Variants in ULK2 observed in about 807,000 individuals in gnomAD.
The protein encoded by ULK2 is unc-51 like autophagy activating kinase 2.
In ULK2, 76 loss-of-function variants were observed where a neutral mutation model predicts 127.5. The ratio of observed to expected loss-of-function variants is 0.60; its 90% CI spans 0.50 to 0.72. The LOEUF (loss-of-function observed/expected upper bound fraction) is 0.72, where lower values mean the gene tolerates loss of function less well. Among genes scored for constraint, ULK2 ranks in the 30% least tolerant of loss-of-function variants. The probability of loss-of-function intolerance (pLI) is 0.00; values close to 1 mark genes in which losing one functional copy is unlikely to be tolerated. For synonymous variants in ULK2, 452 were observed against 461.9 expected, an observed-to-expected ratio of 0.98 and a Z score of 0.28; for missense variants, 1,144 against 1,295.9, an observed-to-expected ratio of 0.88 and a Z score of 1.80.
intron 23 of ULK2, 40 bp from the exon 24 acceptor site, chr17:19,781,144 C>CTAA: frequency 6.3e-7 from 1 of 1,585,346 alleles, no homozygotes; most frequent in Non-Finnish European, 8.6e-7. Context: ...ATCTTGTGAA[C>CTAA]TAATGTAAGA....
At chr17:19,860,527 T>TA (rs1266046868) in intron 3 of ULK2, among the ~76,000 whole-genome samples, 1 of 150,594 alleles carries the variant, frequency 6.6e-6, no homozygotes, top group Admixed American at 6.6e-5. Context: ...AATACCTCTT[T>TA]TTTTTTTTTT....
intron 17 of ULK2, among the ~76,000 whole-genome samples, chr17:19,798,815 AT>A (rs1399619970): frequency 2.0e-5 from 3 of 152,152 alleles, no homozygotes; most frequent in African/African-American, 7.2e-5. Flanking sequence ...AATACATATA[AT>A]TTTTAAAATC....
intron 20 of ULK2, among the ~76,000 whole-genome samples, chr17:19,792,841 A>G (rs1310680684): frequency 2.0e-5 from 3 of 151,412 alleles, no homozygotes; most frequent in African/African-American, 7.2e-5. Context: ...AACAGTCTTG[A>G]AAAAGAACAA....
At chr17:19,846,380 C>A (rs184130382) in intron 6 of ULK2, among the ~76,000 whole-genome samples, 1 of 151,990 alleles carries the variant, frequency 6.6e-6, no homozygotes, top group East Asian at 1.9e-4. Flanking sequence ...AGGCTCAAAC[C>A]TGTAATCCCA....
chr17:19,843,014 A>G (rs1174675672), intron 8 of ULK2, 107 bp downstream of exon 8: 1 of 937,606 alleles, frequency 1.1e-6, no homozygotes. Flanking sequence ...TAACTCACAG[A>G]GGAGCCAAAA....
At chr17:19,784,664 T>C (rs1264271175) in intron 21 of ULK2, among the ~76,000 whole-genome samples, 4 of 151,722 alleles carry the variant, frequency 2.6e-5, no homozygotes, top group South Asian at 2.1e-4. Context: ...GCTGGGACTA[T>C]AGGCGTATGC....
chr17:19,809,630 G>A (rs909828111), intron 14 of ULK2, among the ~76,000 whole-genome samples: 1 of 150,912 alleles, frequency 6.6e-6, no homozygotes, highest in African/African-American at 2.4e-5. Flanking sequence ...CTACTCAGGA[G>A]GCTGAGGCAG....
chr17:19,798,105 TAAAAGAA>T (rs2087314478), intron 17 of ULK2, among the ~76,000 whole-genome samples: 1 of 152,132 alleles, frequency 6.6e-6, no homozygotes, highest in South Asian at 2.1e-4. Flanking sequence ...ACACAGCAAC[TAAAAGAA>T]AACTCGAACT....
chr17:19,816,822 A>G lies in ULK2; in HGVS notation c.1023T>C (p.Thr341=). The part of the protein sequence containing the change: ...YLQVSKDSAS[T]SSKNSSCDTD... ...TGTCACAAGAAGAGTTCTTGCTACT[A>G]GTACTGGCAGAATCTTTGGAAACTT... is the stretch of plus-strand genomic sequence containing the variant. The change falls in exon 13 of 27, where the codon ACT becomes ACC. Residue 341 remains threonine, a synonymous_variant. Transcript: ENST00000395544. 1 of 1,612,140 alleles carries G rather than the reference A, an allele frequency of 6.2e-7. No individual in the cohort carries two copies. The highest frequency in any genetic ancestry group is 8.5e-7 in the Non-Finnish European group (1 of 1,179,400).
intron 20 of ULK2, among the ~76,000 whole-genome samples, chr17:19,788,819 T>C (rs1278352048): frequency 2.6e-5 from 4 of 152,132 alleles, no homozygotes; most frequent in African/African-American, 4.8e-5. Context: ...TTGTGGGCCA[T>C]TGGTGGTTAC....
In ULK2 at chr17:19,777,661, C is replaced by G. The variant is rs1306192989; in HGVS notation, c.2972G>C (p.Arg991Pro). 6.2e-7 allele frequency: 1 copy of G among 1,613,938 alleles called. No individual in the cohort carries two copies. Among genetic ancestry groups the G allele is most frequent in the East Asian group, 2.2e-5 (1 of 44,892 alleles). The part of the protein sequence containing the change: ...MFQQTEDIVY[R>P]YHKAALLLEG... ...CAAAAGAAGGGCTGCCTTATGATAG[C>G]GATAAACAATATCTTCGGTCTGCTG... The change falls in exon 26 of 27, where the codon CGC (arginine) becomes CCC (proline). Residue 991 changes from arginine to proline, a missense_variant. Physicochemically the swap from Arg to Pro is moderately radical, Grantham distance 103. Around this residue, in one of 2 missense-constraint regions of ULK2, gnomAD observed 913 missense variants for 970.5 expected, o/e 0.94. Transcript: ENST00000395544.
Position 19,849,350 on chromosome 17 carries a change from GAC to G in ULK2, c.295+17_295+18del. 1 of 1,604,742 alleles carries G rather than the reference GAC, an allele frequency of 6.2e-7. No individual in the cohort carries two copies. The highest frequency in any genetic ancestry group is 1.1e-5 in the South Asian group (1 of 89,514). On this transcript the variant is annotated intron_variant, in intron 5 of 26. Transcript: ENST00000395544. ...TGCAGCACTGTCTTTACTGAACACT[GAC>G]ACACATACACAGTTACCTTGCAAAT...
chr17:19,865,172 A>G (rs2042326783), intron 2 of ULK2, among the ~76,000 whole-genome samples: 1 of 152,206 alleles, frequency 6.6e-6, no homozygotes, highest in South Asian at 2.1e-4. Flanking sequence ...ACTTTGAAAC[A>G]AGTTTCTTCA....
At position 19,799,509 on chromosome 17, in the gene ULK2, C is replaced by T. The variant is rs1329548207; in HGVS notation, c.1508G>A (p.Ser503Asn). The change falls in exon 17 of 27, where the codon AGT becomes AAT. Residue 503 changes from serine to asparagine, a missense_variant. By Grantham distance (46) the Ser-to-Asn change is conservative. This residue lies in a region of ULK2 where 913 missense variants were observed against 970.5 expected (regional missense o/e 0.94). Transcript: ENST00000395544. ...CATTATCCTACCTGAGGAGTTTCTA[C>T]TCCTGGAGTCATGGCCCTGAGGATG... ...CGHPQGHDSR[S>N]RNSSGSPVPQ... 1 of 1,585,586 alleles carries T rather than the reference C, an allele frequency of 6.3e-7. No homozygotes were observed. Among genetic ancestry groups the T allele is most frequent in the Non-Finnish European group, 8.5e-7 (1 of 1,170,432 alleles).
At chr17:19,845,108 GACTT>G (rs1449226147) in intron 7 of ULK2, among the ~76,000 whole-genome samples, 192 bp downstream of exon 7, 1 of 152,076 alleles carries the variant, frequency 6.6e-6, no homozygotes, top group Non-Finnish European at 1.5e-5. Flanking sequence ...GGGCAAAAAT[GACTT>G]ACTTTTACAG....
At chr17:19,776,676 C>A (rs563238147) in intron 26 of ULK2, among the ~76,000 whole-genome samples, 35 of 152,170 alleles carry the variant, frequency 2.3e-4, no homozygotes, top group African/African-American at 7.9e-4. Context: ...TGTAGCAGGA[C>A]CACATACACT....
At chr17:19,827,622 T>C (rs2152393393) in intron 10 of ULK2, among the ~76,000 whole-genome samples, 1 of 152,278 alleles carries the variant, frequency 6.6e-6, no homozygotes, top group South Asian at 2.1e-4. Flanking sequence ...AAGATAAGAA[T>C]TAGGTTGGAC....
At chr17:19,788,989 G>A (rs1278760466) in intron 20 of ULK2, among the ~76,000 whole-genome samples, 1 of 152,206 alleles carries the variant, frequency 6.6e-6, no homozygotes, top group African/African-American at 2.4e-5. Context: ...TAGCATCTCT[G>A]GACATGCCTG....
intron 5 of ULK2, among the ~76,000 whole-genome samples, chr17:19,847,782 A>G (rs2041918050): frequency 6.6e-6 from 1 of 152,120 alleles, no homozygotes; most frequent in Non-Finnish European, 1.5e-5. Flanking sequence ...CTCCTGACCT[A>G]AGTGATCCAC....
Sources: allele counts gnomAD v4.1 joint callset (sites outside exome capture counted in the v4.1 genomes callset), GRCh38; gene constraint gnomAD v4.1.1; regional missense constraint gnomAD v4.1.1; transcripts MANE v1.5; gene names NCBI Gene and HGNC (gene_info 2026-07-23, HGNC 2026-07-21).